Variants in OTUD7A observed in about 807,000 individuals in gnomAD.
OTUD7A encodes OTU domain-containing protein 7A.
In OTUD7A, 12 loss-of-function variants were observed where a neutral mutation model predicts 65.7. The observed-to-expected ratio is 0.18, with a 90% CI of 0.12 to 0.30. The LOEUF (loss-of-function observed/expected upper bound fraction) is 0.30, where lower values mean the gene tolerates loss of function less well. Among genes scored for constraint, OTUD7A ranks in the 10% least tolerant of loss-of-function variants. OTUD7A has a pLI of 1.00. For synonymous variants in OTUD7A, 641 were observed against 586.3 expected (o/e 1.09, Z -1.35); for missense variants, 1,148 against 1,304.8 (o/e 0.88, Z 1.85).
At chr15:31,597,108 T>TG (rs397697213) in intron 3 of OTUD7A, among the ~76,000 whole-genome samples, 5 of 151,850 alleles carry the variant, frequency 3.3e-5, no homozygotes, top group Non-Finnish European at 7.4e-5. Context: ...TTCTTTTTTT[T>TG]GTAGAGACAG....
chr15:31,760,631 T>C (rs999426317), intron 1 of OTUD7A, among the ~76,000 whole-genome samples: 1 of 152,236 alleles, frequency 6.6e-6, no homozygotes, highest in African/African-American at 2.4e-5. Context: ...GCAATACTCC[T>C]TAGATTAATG....
At chr15:31,852,906 T>C (rs930795412) in intron 1 of OTUD7A, among the ~76,000 whole-genome samples, 7 of 152,188 alleles carry the variant, frequency 4.6e-5, no homozygotes, top group African/African-American at 1.4e-4. Context: ...GTCACAGACT[T>C]CCAAAAGACA....
intron 3 of OTUD7A, among the ~76,000 whole-genome samples, chr15:31,576,466 T>A (rs1014888308): frequency 3.3e-5 from 5 of 152,210 alleles, no homozygotes; most frequent in Admixed American, 6.5e-5. Flanking sequence ...CATAAAAGAA[T>A]GCAAACTTTT....
intron 1 of OTUD7A, among the ~76,000 whole-genome samples, chr15:31,664,933 G>A (rs1240990384): frequency 6.6e-6 from 1 of 152,154 alleles, no homozygotes; most frequent in Non-Finnish European, 1.5e-5. Flanking sequence ...CCTACTTTAT[G>A]TTTTTGTTTG....
At chr15:31,540,256 A>G (rs1159376451) in intron 5 of OTUD7A, among the ~76,000 whole-genome samples, 4 of 152,174 alleles carry the variant, frequency 2.6e-5, no homozygotes, top group African/African-American at 7.2e-5. Context: ...CAGACACGCT[A>G]ACCAATCATC....
In OTUD7A at chr15:31,669,143, G is replaced by A. The variant is rs908035418; in HGVS notation, c.-99-12066C>T. Among the ~76,000 whole-genome samples, 34 of 152,212 alleles carry A rather than the reference G, an allele frequency of 2.2e-4. 1 individual carries two copies. The highest frequency in any genetic ancestry group is 8.0e-4 in the African/African-American group (33 of 41,460). On this transcript the variant is annotated intron_variant, in intron 1 of 12. Coordinates refer to ENST00000307050, the MANE Select transcript of OTUD7A (RefSeq NM_001382637.1). ...GATGGTTGGCCACCTGCCAGGAGATGGCACTTTCCAGGGAGCATCAGCTGT... is the reference window on the plus strand; with the variant it reads ...GATGGTTGGCCACCTGCCAGGAGATAGCACTTTCCAGGGAGCATCAGCTGT...
chr15:31,624,709 C>T (rs1219243509), intron 3 of OTUD7A, among the ~76,000 whole-genome samples: 2 of 152,066 alleles, frequency 1.3e-5, no homozygotes, highest in East Asian at 3.8e-4. Context: ...TAAGGCTTGG[C>T]AAGTTAAACT....
chr15:31,558,760 A>T lies in OTUD7A; in HGVS notation c.550+209T>A. On this transcript the variant is annotated intron_variant, in intron 5 of 12. Transcript: ENST00000307050. ...GGAAAACTCGAGAGATTTCAGCACC[A>T]CCTAGTTATCGGCCCCTCCATCCAG... The T allele has an allele frequency of 6.6e-6, 4 of 607,730 alleles. No homozygotes were observed. The South Asian group carries it at 8.3e-5, about 13-fold the overall frequency. 37.6% of individuals were successfully genotyped at this position (607,730 alleles called of 1,614,324 possible). A position where few individuals can be genotyped will look rare whatever the true frequency, so the allele number is the denominator to read the frequency against.
At chr15:31,742,503 T>C (rs1305422309) in intron 1 of OTUD7A, among the ~76,000 whole-genome samples, 1 of 152,108 alleles carries the variant, frequency 6.6e-6, no homozygotes, top group Non-Finnish European at 1.5e-5. Context: ...TTCTATCTGA[T>C]ATACGGCTCC....
At chr15:31,817,282 C>CG (rs1040840252) in intron 1 of OTUD7A, among the ~76,000 whole-genome samples, 11 of 149,922 alleles carry the variant, frequency 7.3e-5, no homozygotes, top group East Asian at 6.0e-4. Context: ...TTTGCCCCCC[C>CG]CCATCACTCA....
intron 1 of OTUD7A, among the ~76,000 whole-genome samples, chr15:31,798,084 A>G (rs1047024344): frequency 6.6e-6 from 1 of 152,162 alleles, no homozygotes; most frequent in African/African-American, 2.4e-5. Context: ...TCAGTCATAT[A>G]GGATTAGAGC....
chr15:31,583,744 T>C (rs1889444716), intron 3 of OTUD7A, among the ~76,000 whole-genome samples: 2 of 152,040 alleles, frequency 1.3e-5, no homozygotes, highest in African/African-American at 2.4e-5. Flanking sequence ...CAGTCTCAGA[T>C]ATGTCTTTAT....
At chr15:31,687,456 T>C (rs1010832637) in intron 1 of OTUD7A, among the ~76,000 whole-genome samples, 1 of 152,218 alleles carries the variant, frequency 6.6e-6, no homozygotes, top group Non-Finnish European at 1.5e-5. Flanking sequence ...ATGTGTCTTG[T>C]GTCTGATAAT....
At chr15:31,602,542 C>T (rs140935917) in intron 3 of OTUD7A, among the ~76,000 whole-genome samples, 113 of 152,286 alleles carry the variant, frequency 7.4e-4, no homozygotes, top group African/African-American at 2.7e-3. Flanking sequence ...TGAAAACCAG[C>T]ACAAGACAAG....
At chr15:31,709,955 CA>C (rs1893400098) in intron 1 of OTUD7A, among the ~76,000 whole-genome samples, 1 of 149,418 alleles carries the variant, frequency 6.7e-6, no homozygotes, top group Non-Finnish European at 1.5e-5. Flanking sequence ...ACAAAACAAA[CA>C]AAACAAAATA....
Position 31,635,321 on chromosome 15 carries a change from C to T in OTUD7A, c.151+19775G>A, listed in dbSNP as rs549002246. Reference sequence around the variant, plus strand: ...GACCTACAGGTCACCTTGCTCACTGCCCTCAATTTTACAGATGAGAAAACA... The same window carrying T: ...GACCTACAGGTCACCTTGCTCACTGTCCTCAATTTTACAGATGAGAAAACA... On this transcript the variant is annotated intron_variant, in intron 3 of 12. Transcript: ENST00000307050. Among the ~76,000 whole-genome samples, 13 of 152,282 alleles carry T rather than the reference C, an allele frequency of 8.5e-5. No homozygotes were observed. In the South Asian group the frequency reaches 2.5e-3, roughly 29 times the overall value.
At chr15:31,813,180 C>T (rs1397233699) in intron 1 of OTUD7A, among the ~76,000 whole-genome samples, 4 of 152,208 alleles carry the variant, frequency 2.6e-5, no homozygotes, top group African/African-American at 9.7e-5. Context: ...GGTAATGGTC[C>T]AGGCCAAGCA....
chr15:31,748,578 A>C (rs542060714), intron 1 of OTUD7A, among the ~76,000 whole-genome samples: 81 of 152,148 alleles, frequency 5.3e-4, no homozygotes, highest in Middle Eastern at 6.9e-3. Flanking sequence ...ATACATGTGG[A>C]AGTAGATCAA....
intron 1 of OTUD7A, among the ~76,000 whole-genome samples, chr15:31,746,978 T>C (rs1043382159): frequency 7.9e-5 from 12 of 152,210 alleles, no homozygotes; most frequent in Admixed American, 3.3e-4. Flanking sequence ...ATCTGTTCAA[T>C]TGCACACTTA....
Sources: gnomAD v4.1 joint callset for allele counts (sites outside exome capture counted in the v4.1 genomes callset) on GRCh38, gnomAD v4.1.1 for gene constraint, MANE v1.5 for transcripts, NCBI Gene and HGNC (gene_info 2026-07-23, HGNC 2026-07-21) for gene names.